The following CTNNA3 variants were observed in gnomAD, a reference collection of about 807,000 sequenced individuals.
CTNNA3 encodes the protein catenin alpha 3, also known as catenin alpha-3.
Under a neutral mutation model 95.7 loss-of-function variants are expected in CTNNA3, and 76 were observed. The observed-to-expected ratio is 0.79, with a 90% CI of 0.66 to 0.96. The LOEUF (loss-of-function observed/expected upper bound fraction) is 0.96. Among genes scored for constraint, CTNNA3 ranks in the 40% least tolerant of loss-of-function variants. The pLI is 0.00. For synonymous variants in CTNNA3, 431 were observed against 374.4 expected (o/e 1.15, Z -1.74); for missense variants, 1,191 against 1,089.8 (o/e 1.09, Z -1.31).
chr10:66,219,034 G>T (rs367733734), intron 13 of CTNNA3, among the ~76,000 whole-genome samples: 1 of 152,028 alleles, frequency 6.6e-6, no homozygotes, highest in Non-Finnish European at 1.5e-5. Context: ...TCCCACCTTC[G>T]TATGTTGGTT....
At chr10:67,133,350 G>GATACATAC (rs1282541599) in intron 7 of CTNNA3, among the ~76,000 whole-genome samples, 3 of 58,930 alleles carry the variant, frequency 5.1e-5, no homozygotes, top group East Asian at 4.0e-4. Flanking sequence ...CACAATGGTA[G>GATACATAC]ATACATACAT....
chr10:67,729,110 G>C (rs369038707), intron 1 of CTNNA3, among the ~76,000 whole-genome samples: 1 of 152,096 alleles, frequency 6.6e-6, no homozygotes, highest in Non-Finnish European at 1.5e-5. Flanking sequence ...GTTAAGAAGA[G>C]TTTTGAAGGG....
chr10:65,924,509 C>T (rs2077136024), intron 17 of CTNNA3, among the ~76,000 whole-genome samples: 4 of 152,144 alleles, frequency 2.6e-5, no homozygotes, highest in Admixed American at 2.6e-4. Context: ...GCTTCCAGAC[C>T]ACAGATATTT....
At chr10:66,572,575 A>C (rs1386256233) in intron 10 of CTNNA3, among the ~76,000 whole-genome samples, 1 of 151,620 alleles carries the variant, frequency 6.6e-6, no homozygotes, top group Non-Finnish European at 1.5e-5. Context: ...CAAAAAAAAA[A>C]ACAAAACATG....
intron 9 of CTNNA3, among the ~76,000 whole-genome samples, chr10:66,745,264 T>C (rs191246682): frequency 1.5e-4 from 23 of 152,340 alleles, no homozygotes; most frequent in African/African-American, 5.5e-4. Flanking sequence ...TCTAAATATT[T>C]TAAAACTTGA....
chr10:66,767,253 C>G (rs1349481542), intron 8 of CTNNA3, among the ~76,000 whole-genome samples: 1 of 151,958 alleles, frequency 6.6e-6, no homozygotes, highest in African/African-American at 2.4e-5. Context: ...CGAGAACAGC[C>G]TGGCCAACAT....
intron 7 of CTNNA3, among the ~76,000 whole-genome samples, chr10:66,810,351 C>A (rs1841825241): frequency 6.6e-6 from 1 of 152,208 alleles, no homozygotes; most frequent in African/African-American, 2.4e-5. Flanking sequence ...TTCTTTCCCA[C>A]ATTCCCTAGC....
chr10:66,845,474 C>G (rs1241966813), intron 7 of CTNNA3, among the ~76,000 whole-genome samples: 1 of 151,704 alleles, frequency 6.6e-6, no homozygotes, highest in Non-Finnish European at 1.5e-5. Flanking sequence ...GAGGCCGAGG[C>G]AGGTGGATCA....
At chr10:67,446,546 T>C (rs1025631977) in intron 5 of CTNNA3, among the ~76,000 whole-genome samples, 1 of 152,228 alleles carries the variant, frequency 6.6e-6, no homozygotes, top group Admixed American at 6.5e-5. Context: ...ATTTTCCCTG[T>C]TGAAAATAAG....
intron 13 of CTNNA3, among the ~76,000 whole-genome samples, chr10:66,269,331 A>G (rs1249625791): frequency 6.6e-6 from 1 of 152,208 alleles, no homozygotes; most frequent in Non-Finnish European, 1.5e-5. Context: ...GAGATTAGCT[A>G]TTTGTAAATG....
chr10:66,420,834 TA>T (rs2093186735), intron 11 of CTNNA3, among the ~76,000 whole-genome samples: 1 of 77,094 alleles, frequency 1.3e-5, no homozygotes, highest in Non-Finnish European at 2.7e-5. Context: ...AATAAATAAA[TA>T]AATAAAAAAC....
chr10:66,484,909 T>C (rs1251986755), intron 11 of CTNNA3, among the ~76,000 whole-genome samples: 1 of 152,120 alleles, frequency 6.6e-6, no homozygotes, highest in African/African-American at 2.4e-5. Flanking sequence ...ATCCCTGGGA[T>C]GCAGATGCAA....
chr10:66,968,922 C>G (rs1183221879), intron 7 of CTNNA3, among the ~76,000 whole-genome samples: 1 of 151,956 alleles, frequency 6.6e-6, no homozygotes, highest in Non-Finnish European at 1.5e-5. Context: ...GGCGCTGAGG[C>G]AGGAGAATTG....
intron 17 of CTNNA3, among the ~76,000 whole-genome samples, chr10:65,957,768 T>C (rs1485279689): frequency 1.3e-5 from 2 of 152,224 alleles, no homozygotes; most frequent in African/African-American, 4.8e-5. Context: ...GTTAGTCTGA[T>C]GGGCTTCCCT....
chr10:66,893,766 G>T (rs1845365427), intron 7 of CTNNA3, among the ~76,000 whole-genome samples: 1 of 152,038 alleles, frequency 6.6e-6, no homozygotes, highest in African/African-American at 2.4e-5. Flanking sequence ...AATTATTCTG[G>T]CTACATACTA....
intron 15 of CTNNA3, among the ~76,000 whole-genome samples, chr10:66,022,015 G>C (rs1021412845): frequency 1.3e-5 from 2 of 151,638 alleles, no homozygotes; most frequent in African/African-American, 4.8e-5. Flanking sequence ...ACCACCCCTG[G>C]CCTATTATTT....
intron 5 of CTNNA3, among the ~76,000 whole-genome samples, chr10:67,489,005 G>C (rs954892326): frequency 6.6e-6 from 1 of 152,132 alleles, no homozygotes; most frequent in Non-Finnish European, 1.5e-5. Context: ...CAAAGTACTG[G>C]GATTATAGGC....
chr10:67,292,320 T>A (rs1280955195), intron 5 of CTNNA3, among the ~76,000 whole-genome samples: 2 of 152,084 alleles, frequency 1.3e-5, no homozygotes, highest in Non-Finnish European at 2.9e-5. Flanking sequence ...TGGCTGGATG[T>A]AGGTGAATGG....
intron 5 of CTNNA3, among the ~76,000 whole-genome samples, chr10:67,429,127 C>T (rs1019951004): frequency 7.2e-5 from 11 of 151,878 alleles, no homozygotes; most frequent in African/African-American, 2.2e-4. Flanking sequence ...ATTAACTCTA[C>T]GAATTAGTTT....
Sources: allele counts gnomAD v4.1 joint callset (sites outside exome capture counted in the v4.1 genomes callset), GRCh38; gene constraint gnomAD v4.1.1; transcripts MANE v1.5; gene names NCBI Gene and HGNC (gene_info 2026-07-23, HGNC 2026-07-21).